The following CDH23 variants were observed in gnomAD, a reference collection of about 807,000 sequenced individuals.
CDH23 encodes cadherin related 23, also known as cadherin-23.
In CDH23, 189 loss-of-function variants were observed where a neutral mutation model predicts 317.1. The ratio of observed to expected loss-of-function variants is 0.60; its 90% CI spans 0.53 to 0.67. The LOEUF is 0.67. Among genes scored for constraint, CDH23 ranks in the 30% least tolerant of loss-of-function variants. The pLI is 0.00. For missense variants in CDH23, 4,401 were observed against 4,592.4 expected (o/e 0.96, Z 1.20); for synonymous variants, 1,839 against 1,876.8 (o/e 0.98, Z 0.52).
intron 6 of CDH23, among the ~76,000 whole-genome samples, chr10:71,522,215 G>C (rs867527683): frequency 1.3e-5 from 2 of 151,736 alleles, no homozygotes; most frequent in Non-Finnish European, 2.9e-5. Context: ...TCAGCTTTAT[G>C]AGTGATTGCA....
intron 10 of CDH23, 121 bp downstream of exon 10, chr10:71,615,737 G>A (rs774654209): frequency 3.3e-5 from 23 of 690,688 alleles, no homozygotes; most frequent in East Asian, 1.1e-4. Context: ...CTTCGCTTCC[G>A]TGCTCTCACC....
rs1438128847 is a variant in CDH23, at chr10:71,429,485, A to G, written c.-5-10342A>G. On this transcript the variant is annotated intron_variant, in intron 1 of 69. Coordinates refer to ENST00000224721, the MANE Select transcript of CDH23 (RefSeq NM_022124.6). ...GACCCCGCATGGGTGTGGACACATC[A>G]TTCTTCTGAAGAGGAGTGAAGGGCT... Among the ~76,000 whole-genome samples the G allele has an allele frequency of 2.0e-5, 3 of 152,314 alleles. No homozygotes were observed. The South Asian group carries it at 6.2e-4, about 32-fold the overall frequency.
intron 29 of CDH23, among the ~76,000 whole-genome samples, chr10:71,724,753 G>A (rs1866731384): frequency 6.6e-6 from 1 of 152,210 alleles, no homozygotes; most frequent in African/African-American, 2.4e-5. Flanking sequence ...AGAATCCAGT[G>A]CCCATCCCTG....
intron 61 of CDH23, 151 bp from the exon 62 acceptor site, chr10:71,810,321 C>T (rs1841878309): frequency 2.4e-6 from 2 of 829,232 alleles, no homozygotes; most frequent in East Asian, 2.7e-5. Flanking sequence ...AAGTGATTGG[C>T]ACCGTGCCTG....
chr10:71,593,953 C>A (rs1222234563), intron 9 of CDH23, among the ~76,000 whole-genome samples: 1 of 152,146 alleles, frequency 6.6e-6, no homozygotes, highest in African/African-American at 2.4e-5. Flanking sequence ...GCCTCATCTC[C>A]ATGGGTGTGG....
rs562831303 is a variant in CDH23, at chr10:71,736,273, C to T, written c.4209+1615C>T. Among the ~76,000 whole-genome samples, 244 of 152,360 alleles carry T rather than the reference C, an allele frequency of 1.6e-3. 2 individuals are homozygous for T. The highest frequency in any genetic ancestry group is 2.0e-3 in the Non-Finnish European group (139 of 68,016). On this transcript the variant is annotated intron_variant, in intron 34 of 69. Coordinates refer to ENST00000224721, the MANE Select transcript of CDH23 (RefSeq NM_022124.6). ...CCCAGGGGCCGCTGCCCCAGATCCA[C>T]CAGCCCCGGTAGCCCCAAACACTGT...
rs751987327 is a variant in CDH23 at position 71,570,832 on chromosome 10, G to T, written c.667G>T (p.Ala223Ser). The T allele has an allele frequency of 1.9e-6, 3 of 1,613,900 alleles. No individual in the cohort carries two copies. In the South Asian group the frequency reaches 3.3e-5, roughly 18 times the overall value. Residue 223 changes from alanine (A) to serine (S), a missense_variant, in exon 8 of 70, where the codon GCC (alanine) becomes TCC (serine). Ala to Ser is a moderately conservative substitution (Grantham distance 99). This residue lies in a region of CDH23 where 3,068 missense variants were observed against 3,203.3 expected (regional missense o/e 0.96). Coordinates refer to ENST00000224721, the MANE Select transcript of CDH23 (RefSeq NM_022124.6). ...GCCTCTGTCCACCCTGGCCAACTTG[G>T]CCATCATCATCACAGATGTCCAGGA... ...TRPLSTLANL[A>S]IIITDVQDMD...
intron 53 of CDH23, among the ~76,000 whole-genome samples, chr10:71,801,849 C>G (rs954244630): frequency 6.6e-6 from 1 of 152,190 alleles, no homozygotes; most frequent in Non-Finnish European, 1.5e-5. Flanking sequence ...AAAAACACAG[C>G]ATTTGGGGCC....
At chr10:71,805,231 A>C (rs1170453158) in intron 55 of CDH23, among the ~76,000 whole-genome samples, 1 of 152,226 alleles carries the variant, frequency 6.6e-6, no homozygotes, top group African/African-American at 2.4e-5. Context: ...ACTGAGGCTC[A>C]GGGAAGTGAG....
chr10:71,712,904 G>T, intron 28 of CDH23, 91 bp downstream of exon 28: 2 of 1,471,684 alleles, frequency 1.4e-6, no homozygotes, highest in Middle Eastern at 3.8e-4. Flanking sequence ...TGGCACCAGA[G>T]GCGGAAGCAG....
intron 24 of CDH23, among the ~76,000 whole-genome samples, chr10:71,703,125 C>T (rs1254503540): frequency 6.6e-6 from 1 of 152,178 alleles, no homozygotes; most frequent in African/African-American, 2.4e-5. Flanking sequence ...TTGCAGGGCT[C>T]TAAAGAGACT....
intron 3 of CDH23, among the ~76,000 whole-genome samples, chr10:71,488,518 AC>A (rs1346730755): frequency 2.0e-5 from 3 of 152,148 alleles, no homozygotes; most frequent in South Asian, 2.1e-4. Flanking sequence ...CCGATAGTAT[AC>A]CCATGATCCA....
intron 30 of CDH23, among the ~76,000 whole-genome samples, chr10:71,728,861 C>G (rs954940978): frequency 6.6e-6 from 1 of 152,154 alleles, no homozygotes; most frequent in South Asian, 2.1e-4. Context: ...ATGTCACCAC[C>G]CCCGGCTAAT....
At chr10:71,667,348 A>AAGAGAG (rs71480588) in intron 14 of CDH23, among the ~76,000 whole-genome samples, 28,733 of 122,192 alleles carry the variant, frequency 0.24, 3,580 homozygotes, top group African/African-American at 0.26. Context: ...GAGGCAGAGA[A>AAGAGAG]AGAGAGAGAG....
intron 11 of CDH23, among the ~76,000 whole-genome samples, chr10:71,623,449 C>CG (rs1861563013): frequency 6.6e-6 from 1 of 152,202 alleles, no homozygotes; most frequent in South Asian, 2.1e-4. Context: ...GCAGCCTCAT[C>CG]GGGGGCAGGC....
At chr10:71,402,219 C>A (rs945560680) in intron 1 of CDH23, among the ~76,000 whole-genome samples, 2 of 152,220 alleles carry the variant, frequency 1.3e-5, no homozygotes, top group African/African-American at 4.8e-5. Flanking sequence ...ATGGGAATAT[C>A]AGACAGCCCT....
intron 3 of CDH23, among the ~76,000 whole-genome samples, chr10:71,503,566 A>C (rs1853462648): frequency 6.6e-6 from 1 of 152,194 alleles, no homozygotes; most frequent in African/African-American, 2.4e-5. Context: ...TGTTAGGCTT[A>C]GGGATATGAC....
chr10:71,455,202 A>G (rs1391936692), intron 3 of CDH23, among the ~76,000 whole-genome samples: 1 of 152,182 alleles, frequency 6.6e-6, no homozygotes, highest in African/African-American at 2.4e-5. Flanking sequence ...AAAAGTTGAA[A>G]ATTGTACAGA....
In CDH23 at chr10:71,809,870, C is replaced by T; in HGVS notation, c.8773C>T (p.Pro2925Ser). The T allele has an allele frequency of 6.2e-7, 1 of 1,613,476 alleles. No homozygotes were observed. Among genetic ancestry groups the T allele is most frequent in the Non-Finnish European group, 8.5e-7 (1 of 1,179,906 alleles). The part of the protein sequence containing the change: ...RTFDLFMAYS[P>S]GYFVVDIVAR... Reference sequence around the variant, plus strand: ...CTTCGACCTCTTCATGGCCTACAGCCCCGGCTACTTCGTGGTGGACATTGT... The same window carrying T: ...CTTCGACCTCTTCATGGCCTACAGCTCCGGCTACTTCGTGGTGGACATTGT... The change falls in exon 61 of 70, where the codon CCC (proline) becomes TCC (serine). Residue 2925 changes from proline to serine, a missense_variant. Around this residue, in one of 3 missense-constraint regions of CDH23, gnomAD observed 1,144 missense variants for 1,138.2 expected, o/e 1.01. Transcript: ENST00000224721.
Sources: gnomAD v4.1 joint callset for allele counts (sites outside exome capture counted in the v4.1 genomes callset) on GRCh38, gnomAD v4.1.1 for gene constraint, gnomAD v4.1.1 regional missense constraint, MANE v1.5 for transcripts, NCBI Gene and HGNC (gene_info 2026-07-23, HGNC 2026-07-21) for gene names.